The following INVS variants were observed in gnomAD, a reference collection of about 807,000 sequenced individuals.
INVS encodes the protein inversin.
A neutral mutation model predicts 108.8 loss-of-function variants in INVS; 86 were observed. That is an observed-to-expected ratio of 0.79 (90% CI 0.66 to 0.95). The LOEUF (loss-of-function observed/expected upper bound fraction) is 0.95. Among genes scored for constraint, INVS ranks in the 40% least tolerant of loss-of-function variants. The pLI is 0.00. For synonymous variants in INVS, 455 were observed against 473.5 expected (o/e 0.96, Z 0.51); for missense variants, 1,169 against 1,297.4 (o/e 0.90, Z 1.52).
rs939234020 is a variant in INVS, at chr9:100,256,355, A to T, written c.1464+3219A>T. Among the ~76,000 whole-genome samples, 5 of 151,482 alleles carry T rather than the reference A, an allele frequency of 3.3e-5. No individual in the cohort carries two copies. In the East Asian group the frequency reaches 7.8e-4, roughly 24 times the overall value. On this transcript the variant is annotated intron_variant, in intron 10 of 16. Transcript: ENST00000262457. ...TGTCTATCAGTTTTGTTGATCTTTT[A>T]AAAAAAACCAGCTCCTGGATTCATT...
chr9:100,135,931 A>G (rs1828210035), intron 3 of INVS, among the ~76,000 whole-genome samples: 1 of 152,034 alleles, frequency 6.6e-6, no homozygotes, highest in South Asian at 2.1e-4. Context: ...GAGACAGTAC[A>G]AGATAGGAGA....
intron 8 of INVS, among the ~76,000 whole-genome samples, chr9:100,250,903 T>C (rs1378924589): frequency 6.6e-6 from 1 of 152,216 alleles, no homozygotes; most frequent in East Asian, 1.9e-4. Context: ...GTTTCTGACT[T>C]ACTCCACTGT....
intron 3 of INVS, among the ~76,000 whole-genome samples, chr9:100,166,040 G>A (rs1411101639): frequency 1.3e-5 from 2 of 151,870 alleles, no homozygotes; most frequent in African/African-American, 4.8e-5. Context: ...TTCTAATTCT[G>A]GGCTAAAAGG....
chr9:100,177,241 A>T (rs780091062), intron 3 of INVS, among the ~76,000 whole-genome samples: 1 of 151,820 alleles, frequency 6.6e-6, no homozygotes, highest in East Asian at 1.9e-4. Flanking sequence ...TTTTCTTCAT[A>T]CCCCAGTGGT....
At chr9:100,114,864 T>A (rs891592180) in intron 2 of INVS, among the ~76,000 whole-genome samples, 1 of 152,252 alleles carries the variant, frequency 6.6e-6, no homozygotes, top group Non-Finnish European at 1.5e-5. Context: ...TTGGGATGTT[T>A]CCAGTGTTTA....
rs766000627 is a variant in INVS at position 100,242,656 on chromosome 9, T to C, written c.883T>C (p.Tyr295His). Reference sequence around the variant, plus strand: ...CAGCCAAGGAGCCACACCTTTGCACTATGCTGCTCAGAGTAACTTTGCTGT... The same window carrying C: ...CAGCCAAGGAGCCACACCTTTGCACCATGCTGCTCAGAGTAACTTTGCTGT... ...SDSQGATPLH[Y>H]AAQSNFAETV... The change falls in exon 7 of 17, where the codon TAT becomes CAT. Residue 295 changes from tyrosine to histidine, a missense_variant. Physicochemically the swap from Tyr to His is moderately conservative, Grantham distance 83 (BLOSUM62 2). Around this residue, in one of 3 missense-constraint regions of INVS, gnomAD observed 365 missense variants for 397.5 expected, o/e 0.92. Transcript: ENST00000262457. 6.2e-7 allele frequency: 1 copy of C among 1,605,414 alleles called. No homozygotes were observed. Among genetic ancestry groups the C allele is most frequent in the East Asian group, 2.2e-5 (1 of 44,822 alleles).
At chr9:100,163,453 G>A (rs1829258632) in intron 3 of INVS, among the ~76,000 whole-genome samples, 1 of 152,082 alleles carries the variant, frequency 6.6e-6, no homozygotes, top group Admixed American at 6.5e-5. Flanking sequence ...ATAAGGTACT[G>A]CTCTATATAT....
At chr9:100,184,626 T>C (rs1331643004) in intron 3 of INVS, among the ~76,000 whole-genome samples, 7 of 152,146 alleles carry the variant, frequency 4.6e-5, no homozygotes, top group Non-Finnish European at 7.4e-5. Context: ...CTACAGTTCT[T>C]GAAAATAGTT....
At chr9:100,254,628 T>C (rs1362766470) in intron 10 of INVS, among the ~76,000 whole-genome samples, 1 of 152,238 alleles carries the variant, frequency 6.6e-6, no homozygotes. Flanking sequence ...TTCAGCTTTC[T>C]ACATGTGGCT....
At chr9:100,218,104 G>A (rs954895143) in intron 3 of INVS, among the ~76,000 whole-genome samples, 10 of 151,994 alleles carry the variant, frequency 6.6e-5, no homozygotes, top group African/African-American at 1.9e-4. Flanking sequence ...AATGAACTAT[G>A]ACAGAGTACC....
chr9:100,270,532 G>T (rs2118656306), intron 11 of INVS, among the ~76,000 whole-genome samples: 1 of 151,816 alleles, frequency 6.6e-6, no homozygotes, highest in East Asian at 1.9e-4. Context: ...ATCACCTGAG[G>T]TCAGGAGTTC....
intron 12 of INVS, among the ~76,000 whole-genome samples, chr9:100,273,865 G>A (rs1206465548): frequency 6.6e-6 from 1 of 151,748 alleles, no homozygotes; most frequent in East Asian, 1.9e-4. Flanking sequence ...TAACACATCT[G>A]TACTAAATAA....
chr9:100,154,331 A>ATTTTTTTTT (rs780090630), intron 3 of INVS, among the ~76,000 whole-genome samples: 33 of 68,570 alleles, frequency 4.8e-4, no homozygotes, highest in African/African-American at 1.3e-3. Context: ...CAACCGACTA[A>ATTTTTTTTT]TTTTTTTTTT....
At chr9:100,211,588 A>G (rs888497968) in intron 3 of INVS, among the ~76,000 whole-genome samples, 1 of 152,180 alleles carries the variant, frequency 6.6e-6, no homozygotes, top group African/African-American at 2.4e-5. Flanking sequence ...AGCTCTGTCT[A>G]TTCCTATGGA....
At chr9:100,105,899 G>T (rs1225280198) in intron 2 of INVS, among the ~76,000 whole-genome samples, 5 of 84,586 alleles carry the variant, frequency 5.9e-5, no homozygotes, top group Non-Finnish European at 1.1e-4. Flanking sequence ...CTTGACTGTT[G>T]CATTCTCAAC....
At chr9:100,228,479 A>AT (rs1334062550) in intron 4 of INVS, among the ~76,000 whole-genome samples, 3 of 152,178 alleles carry the variant, frequency 2.0e-5, no homozygotes, top group Non-Finnish European at 2.9e-5. Context: ...CTATGCATGT[A>AT]TTTTTTTATA....
intron 11 of INVS, among the ~76,000 whole-genome samples, chr9:100,267,746 A>G (rs1832836536): frequency 6.6e-6 from 1 of 152,238 alleles, no homozygotes; most frequent in African/African-American, 2.4e-5. Flanking sequence ...GTGTTTTATG[A>G]TCACACTTGT....
intron 10 of INVS, among the ~76,000 whole-genome samples, 179 bp downstream of exon 10, chr9:100,253,315 T>G (rs1488687093): frequency 1.5e-4 from 23 of 152,198 alleles, no homozygotes; most frequent in Admixed American, 1.5e-3. Context: ...ATATATAATT[T>G]AACATAGTTA....
intron 5 of INVS, among the ~76,000 whole-genome samples, chr9:100,231,688 C>CT (rs1414354976): frequency 1.3e-5 from 2 of 152,062 alleles, no homozygotes; most frequent in Non-Finnish European, 2.9e-5. Context: ...TGAACTCATT[C>CT]TTTTTTATGG....
Sources: allele counts gnomAD v4.1 joint callset (sites outside exome capture counted in the v4.1 genomes callset), GRCh38; gene constraint gnomAD v4.1.1; regional missense constraint gnomAD v4.1.1; transcripts MANE v1.5; gene names NCBI Gene and HGNC (gene_info 2026-07-23, HGNC 2026-07-21).